XDH: variants seen among roughly 807,000 people sequenced by gnomAD.
The protein encoded by XDH is xanthine dehydrogenase/oxidase.
In XDH, 138 loss-of-function variants were observed where a neutral mutation model predicts 156.1. That is an observed-to-expected ratio of 0.88 (90% CI 0.77 to 1.02). XDH has a LOEUF of 1.02. Among genes scored for constraint, XDH ranks in the 50% least tolerant of loss-of-function variants. The probability of loss-of-function intolerance (pLI) is 0.00; values close to 1 mark genes in which losing one functional copy is unlikely to be tolerated. For missense variants in XDH, 1,849 were observed against 1,684.9 expected, an observed-to-expected ratio of 1.10 and a Z score of -1.71; for synonymous variants, 669 against 625.7, an observed-to-expected ratio of 1.07 and a Z score of -1.03.
rs45564939 is a variant in XDH at position 31,337,706 on chromosome 2, G to A, written c.3886C>T (p.Arg1296Trp). The change falls in exon 35 of 36, where the codon CGG becomes TGG. Residue 1296 changes from arginine to tryptophan, a missense_variant. Arg to Trp is a moderately radical substitution (Grantham distance 101). Transcript: ENST00000379416. ...HTGNNVKELF[R>W]LDSPATPEKI... is the part of the protein sequence containing the mutation. ...TCCGGGGTGGCAGGGCTGTCTAGCC[G>A]GAAGAGTTCCTTCACGTTATTACCT... 0.017 allele frequency: 26,866 copies of A among 1,614,192 alleles called. 258 individuals carry two copies. Among genetic ancestry groups the A allele is most frequent in the Non-Finnish European group, 0.02 (23,237 of 1,180,028 alleles).
chr2:31,339,619 G>GAAT lies in XDH; in HGVS notation c.3641_3643dup (p.Tyr1214dup). 1 of 1,614,100 alleles carries GAAT rather than the reference G, an allele frequency of 6.2e-7. No homozygotes were observed. The highest frequency in any genetic ancestry group is 8.5e-7 in the Non-Finnish European group (1 of 1,179,974). On this transcript the variant is annotated inframe_insertion, in exon 34 of 36. Transcript: ENST00000379416. ...ACGGGTGTGCAGGCTCCCCTCGGGG[G>GAAT]AATAGTGTAGCTCCTCTAGGGTGAA...
Position 31,335,449 on chromosome 2 carries a change from G to T in XDH, c.*509C>A. The T allele has an allele frequency of 5.4e-6, 1 of 184,212 alleles. No homozygotes were observed. The highest frequency in any genetic ancestry group is 1.2e-5 in the Non-Finnish European group (1 of 86,250). The allele number at this position is 184,212 out of a possible 1,614,324, so 11.4% of individuals were successfully genotyped here. The stretch of plus-strand genomic sequence containing the variant: ...TCCAATGATTCAAAGATGGTTAGAG[G>T]ATTTAACCTTACCCCACTGCCTCAT... On this transcript the variant is annotated 3_prime_UTR_variant, in exon 36 of 36. Coordinates refer to ENST00000379416, the MANE Select transcript of XDH (RefSeq NM_000379.4).
At chr2:31,397,565 CATT>C (rs1379943577) in intron 6 of XDH, 100 bp downstream of exon 6, 2 of 1,385,094 alleles carry the variant, frequency 1.4e-6, no homozygotes, top group East Asian at 2.3e-5. Flanking sequence ...ATCTTATCAT[CATT>C]GTTTGTAGAC....
In XDH at chr2:31,383,017, T is replaced by C. The variant is rs1172851485; in HGVS notation, c.1022A>G (p.Gln341Arg). The change falls in exon 11 of 36, where the codon CAA (glutamine) becomes CGA (arginine). Residue 341 changes from glutamine (Q) to arginine (R), a missense_variant. Transcript: ENST00000379416. ...GCGACTCACCGCCACAGACTTGACTTGCTTCCCAGCAAACCAGCGCAGCTG... is the reference window on the plus strand; with the variant it reads ...GCGACTCACCGCCACAGACTTGACTCGCTTCCCAGCAAACCAGCGCAGCTG... The part of the protein sequence containing the change: ...LEQLRWFAGK[Q>R]VKSVASVGGN... 6.2e-6 allele frequency: 10 copies of C among 1,614,076 alleles called. No individual in the cohort carries two copies. The highest frequency in any genetic ancestry group is 8.5e-6 in the Non-Finnish European group (10 of 1,180,050).
At chr2:31,363,287 G>A (rs1685825297) in intron 24 of XDH, among the ~76,000 whole-genome samples, 2 of 152,212 alleles carry the variant, frequency 1.3e-5, no homozygotes, top group Admixed American at 6.5e-5. Context: ...CTCCAGCCTG[G>A]CGACAGAGTG....
In XDH at chr2:31,337,680, C is replaced by T. The variant is rs767523634; in HGVS notation, c.3912G>A (p.Glu1304=). 1.2e-6 allele frequency: 2 copies of T among 1,614,106 alleles called. No homozygotes were observed. Among genetic ancestry groups the T allele is most frequent in the African/African-American group, 1.3e-5 (1 of 74,940 alleles). Residue 1304 remains glutamate, a synonymous_variant, in exon 35 of 36, where the codon GAG becomes GAA. Transcript: ENST00000379416. ...LFRLDSPATP[E]KIRNACVDKF... ...TGTCCACGCAGGCATTGCGGATCTT[C>T]TCCGGGGTGGCAGGGCTGTCTAGCC...
intron 34 of XDH, among the ~76,000 whole-genome samples, chr2:31,339,114 T>C (rs930774574): frequency 6.6e-6 from 1 of 152,146 alleles, no homozygotes; most frequent in Non-Finnish European, 1.5e-5. Context: ...AATGTGCTGA[T>C]TGTCATTGGA....
chr2:31,390,580 C>T (rs1258359846), intron 6 of XDH, among the ~76,000 whole-genome samples: 2 of 152,138 alleles, frequency 1.3e-5, no homozygotes, highest in African/African-American at 4.8e-5. Context: ...TTGTAAGAAA[C>T]TGCCAAATTG....
At chr2:31,365,624 C>T in intron 22 of XDH, 80 bp from the exon 23 acceptor site, 10 of 1,545,914 alleles carry the variant, frequency 6.5e-6, no homozygotes, top group Middle Eastern at 1.9e-4. Flanking sequence ...TAAAAACAGC[C>T]GGGAAGCCAT....
At chr2:31,405,868 C>G in intron 2 of XDH, 39 bp downstream of exon 2, 1 of 1,610,994 alleles carries the variant, frequency 6.2e-7, no homozygotes, top group Non-Finnish European at 8.5e-7. Context: ...GTCACCATTG[C>G]CCCCCTTCTC....
chr2:31,397,604 CA>C, intron 6 of XDH, 63 bp downstream of exon 6: 1 of 1,600,362 alleles, frequency 6.2e-7, no homozygotes, highest in Non-Finnish European at 8.6e-7. Context: ...TCCCTCCCCA[CA>C]GTGATTTCTG....
chr2:31,397,540 A>G (rs940681713), intron 6 of XDH, 128 bp downstream of exon 6: 1 of 1,131,180 alleles, frequency 8.8e-7, no homozygotes, highest in South Asian at 1.2e-5. Flanking sequence ...CAGAGGGAAG[A>G]CTCACTAACT....
chr2:31,403,104 GC>G lies in XDH; in HGVS notation c.140del (p.Gly47AlafsTer7). The G allele has an allele frequency of 1.2e-6, 2 of 1,614,150 alleles. No homozygotes were observed. The highest frequency in any genetic ancestry group is 1.7e-6 in the Non-Finnish European group (2 of 1,180,032). Reference sequence around the variant, plus strand: ...AGAGCATCACTGTGCAAGCCCCGCAGCCCCCCTCTCCACAGCCGAGCTTGGT... The same window carrying G: ...AGAGCATCACTGTGCAAGCCCCGCAGCCCCCTCTCCACAGCCGAGCTTGGT... Reference protein sequence around the residue: ...SGTKLGCGEGGCGACTVMLSK... With the variant: ...SGTKLGCGEGXCGACTVMLSK... On this transcript the variant is annotated frameshift_variant, in exon 3 of 36. Coordinates refer to ENST00000379416, the MANE Select transcript of XDH (RefSeq NM_000379.4). LOFTEE classifies it high-confidence loss of function.
chr2:31,373,924 A>G lies in XDH; in HGVS notation c.1635T>C (p.Ser545=). 6.2e-7 allele frequency: 1 copy of G among 1,613,990 alleles called. No individual in the cohort carries two copies. Among genetic ancestry groups the G allele is most frequent in the African/African-American group, 1.3e-5 (1 of 75,036 alleles). ...GGTCTTTCTGAAACAGTAAAGTTGC[A>G]CTGGCGAAAGTGGGGTCCAGTTTAC... ...KCGKLDPTFA[S]ATLLFQKDPP... The change falls in exon 16 of 36, where the codon AGT becomes AGC. Residue 545 remains serine (S), a synonymous_variant. Coordinates refer to ENST00000379416, the MANE Select transcript of XDH (RefSeq NM_000379.4).
intron 8 of XDH, 143 bp downstream of exon 8, chr2:31,387,668 G>T: frequency 1.3e-6 from 1 of 743,534 alleles, no homozygotes; most frequent in Non-Finnish European, 2.3e-6. Flanking sequence ...ACCTAGGGGA[G>T]TGTCAGAAAA....
At chr2:31,397,540 A>T (rs940681713) in intron 6 of XDH, 128 bp downstream of exon 6, 56 of 1,131,062 alleles carry the variant, frequency 5.0e-5, no homozygotes, top group Middle Eastern at 1.9e-4. Flanking sequence ...CAGAGGGAAG[A>T]CTCACTAACT....
chr2:31,366,007 CCA>C lies in XDH; in HGVS notation c.2423_2424del (p.Val808GlyfsTer11), dbSNP rs1477689878. The C allele has an allele frequency of 1.2e-6, 2 of 1,614,090 alleles. No individual in the cohort carries two copies. The highest frequency in any genetic ancestry group is 1.7e-6 in the Non-Finnish European group (2 of 1,180,042). Reference protein sequence around the residue: ...GFGGKETRSTVVSTAVALAAY... With the variant: ...GFGGKETRSTXVSTAVALAAY... ...GCAGCCAGGGCCACTGCCGTGGACA[CCA>C]CAGTGCTCCGGGTCTCCTTGCCTCC... is the stretch of plus-strand genomic sequence containing the variant. On this transcript the variant is annotated frameshift_variant, in exon 22 of 36. Coordinates refer to ENST00000379416, the MANE Select transcript of XDH (RefSeq NM_000379.4). LOFTEE classifies it high-confidence loss of function.
chr2:31,345,256 G>T (rs1190341426), intron 30 of XDH, among the ~76,000 whole-genome samples: 3 of 151,938 alleles, frequency 2.0e-5, no homozygotes, highest in Non-Finnish European at 4.4e-5. Flanking sequence ...ACTCAAACTT[G>T]CCCTCCATTC....
chr2:31,336,538 T>C (rs369543730), intron 35 of XDH, among the ~76,000 whole-genome samples: 114 of 151,994 alleles, frequency 7.5e-4, no homozygotes, highest in African/African-American at 2.6e-3. Context: ...TTGGGAGCCA[T>C]AGTGGGAAGG....
Sources: allele counts gnomAD v4.1 joint callset (sites outside exome capture counted in the v4.1 genomes callset), GRCh38; gene constraint gnomAD v4.1.1; transcripts MANE v1.5; gene names NCBI Gene and HGNC (gene_info 2026-07-23, HGNC 2026-07-21).